LRP2: variants seen among roughly 807,000 people sequenced by gnomAD.
LRP2 encodes the protein low-density lipoprotein receptor-related protein 2.
LRP2 carries 172 observed loss-of-function variants against 531.0 expected under a neutral mutation model. The ratio of observed to expected loss-of-function variants is 0.32; its 90% CI spans 0.29 to 0.37. The LOEUF is 0.37. Ranked by LOEUF, LRP2 falls within the 10% of genes least tolerant of loss-of-function variation. LRP2 has a pLI of 1.00. For synonymous variants in LRP2, 1,992 were observed against 2,027.6 expected, an observed-to-expected ratio of 0.98 and a Z score of 0.47; for missense variants, 5,167 against 5,868.3, an observed-to-expected ratio of 0.88 and a Z score of 3.90.
At position 169,238,162 on chromosome 2, in the gene LRP2, G is replaced by A. The variant is rs760099721; in HGVS notation, c.4435C>T (p.Arg1479Cys). Residue 1479 changes from arginine (R) to cysteine (C), a missense_variant, in exon 27 of 79, where the codon CGT becomes TGT. By Grantham distance (180) the Arg-to-Cys change is radical (BLOSUM62 -3). This residue lies in a region of LRP2 where 2,811 missense variants were observed against 3,058.0 expected (regional missense o/e 0.92). Transcript: ENST00000649046. ...TGAGTTGCATCAGACCAAAAGATACGACCACTAATTGAATCAAAATCAACA... is the reference window on the plus strand; with the variant it reads ...TGAGTTGCATCAGACCAAAAGATACAACCACTAATTGAATCAAAATCAACA... ...VAVDFDSISG[R>C]IFWSDATQGK... The A allele has an allele frequency of 6.8e-6, 11 of 1,613,946 alleles. No homozygotes were observed. Among genetic ancestry groups the A allele is most frequent in the Middle Eastern group, 1.6e-4 (1 of 6,084 alleles).
chr2:169,263,492 A>G (rs1297080381), intron 16 of LRP2, among the ~76,000 whole-genome samples: 1 of 151,218 alleles, frequency 6.6e-6, no homozygotes, highest in Non-Finnish European at 1.5e-5. Flanking sequence ...AACACATGAA[A>G]AAATGCTCAC....
In LRP2 at chr2:169,139,314, A is replaced by G. The variant is rs1685634500; in HGVS notation, c.13325T>C (p.Ile4442Thr). ...LLIVVIGALA[I>T]AGFFHYRRTG... ...CCTTCTATAGTGGAAGAATCCTGCA[A>G]TTGCCAGAGCTCCAATTACGACGAT... Residue 4442 changes from isoleucine (I) to threonine (T), a missense_variant, in exon 74 of 79, where the codon ATT (isoleucine) becomes ACT (threonine). By Grantham distance (89) the Ile-to-Thr change is moderately conservative. Coordinates refer to ENST00000649046, the MANE Select transcript of LRP2 (RefSeq NM_004525.3). 6.2e-7 allele frequency: 1 copy of G among 1,614,174 alleles called. No homozygotes were observed. Among genetic ancestry groups the G allele is most frequent in the Non-Finnish European group, 8.5e-7 (1 of 1,180,016 alleles).
chr2:169,279,802 C>T (rs964859115), intron 11 of LRP2, among the ~76,000 whole-genome samples: 3 of 152,060 alleles, frequency 2.0e-5, no homozygotes, highest in Non-Finnish European at 2.9e-5. Context: ...AATTCCATAA[C>T]TCTTTAAGAG....
chr2:169,268,742 G>T (rs905759833), intron 16 of LRP2, among the ~76,000 whole-genome samples: 10 of 152,198 alleles, frequency 6.6e-5, no homozygotes, highest in Admixed American at 4.6e-4. Context: ...AGTGTTGGAA[G>T]TTCTGGCCAG....
chr2:169,281,246 A>T (rs1411822368), intron 10 of LRP2, among the ~76,000 whole-genome samples: 1 of 152,024 alleles, frequency 6.6e-6, no homozygotes, highest in Non-Finnish European at 1.5e-5. Flanking sequence ...ACATGGGGAA[A>T]CCCTGTTTCT....
At chr2:169,305,890 G>A (rs830972) in intron 4 of LRP2, among the ~76,000 whole-genome samples, 86,987 of 151,826 alleles carry the variant, frequency 0.57, 26,347 homozygotes, top group African/African-American at 0.77. Flanking sequence ...TTTAGCACGG[G>A]AACATGGTGT....
chr2:169,327,408 G>A (rs7567247), intron 1 of LRP2, among the ~76,000 whole-genome samples: 15 of 112,134 alleles, frequency 1.3e-4, no homozygotes, highest in South Asian at 6.2e-4. Context: ...CCCCTCTGCC[G>A]GGCCAGCCAC....
Position 169,146,869 on chromosome 2 carries a change from G to C in LRP2, c.12681C>G (p.Asp4227Glu). ...GEDRNILVFE[D>E]LGWPTGLSID... ...TAGAAAGGCCAGTTGGCCAACCAAG[G>C]TCCTCGAAAACCAGGATGTTGCGGT... Residue 4227 changes from aspartate (D) to glutamate (E), a missense_variant, in exon 69 of 79, where the codon GAC becomes GAG. By Grantham distance (45) the Asp-to-Glu change is conservative (BLOSUM62 2). This residue lies in a region of LRP2 where 564 missense variants were observed against 747.7 expected (regional missense o/e 0.75). Transcript: ENST00000649046. The C allele has an allele frequency of 6.8e-6, 11 of 1,614,102 alleles. No homozygotes were observed. The highest frequency in any genetic ancestry group is 9.3e-6 in the Non-Finnish European group (11 of 1,180,012).
In LRP2 at chr2:169,290,971, A is replaced by G; in HGVS notation, c.796T>C (p.Cys266Arg). Residue 266 changes from cysteine (C) to arginine (R), a missense_variant, in exon 8 of 79, where the codon TGT becomes CGT. Physicochemically the swap from Cys to Arg is radical, Grantham distance 180. Transcript: ENST00000649046. ...CESGPHDVHK[C>R]SPREWSCPES... The stretch of plus-strand genomic sequence containing the variant: ...GGGCAAGACCATTCTCTTGGGGAAC[A>G]TTTATGAACATCATGAGGACCGCTT... 6.2e-7 allele frequency: 1 copy of G among 1,614,154 alleles called. No individual in the cohort carries two copies. Among genetic ancestry groups the G allele is most frequent in the Non-Finnish European group, 8.5e-7 (1 of 1,180,024 alleles).
Position 169,259,204 on chromosome 2 carries a change from G to A in LRP2, c.2334C>T (p.Leu778=), listed in dbSNP as rs143050927. 88 of 1,612,492 alleles carry A rather than the reference G, an allele frequency of 5.5e-5. No individual in the cohort carries two copies. In the Admixed American group the frequency reaches 6.5e-4, roughly 12 times the overall value. The change falls in exon 17 of 79, where the codon CTC becomes CTT. Residue 778 remains leucine (L), a synonymous_variant. Transcript: ENST00000649046. Reference sequence around the variant, plus strand: ...CAACATTTTCCACCCTGTTAGCTGCGAGAATTTCTCTTCCTATAAGTTAAA... The same window carrying A: ...CAACATTTTCCACCCTGTTAGCTGCAAGAATTTCTCTTCCTATAAGTTAAA... The part of the protein sequence containing the change: ...QKIDGTGREI[L]AANRVENVES...
rs529963666 is a variant in LRP2, at chr2:169,207,228, G to A, written c.6492C>T (p.Ala2164=). 4 of 1,613,900 alleles carry A rather than the reference G, an allele frequency of 2.5e-6. No individual in the cohort carries two copies. The East Asian group carries it at 6.7e-5, about 27-fold the overall frequency. ...CTTCTATCAGTGTTTCAGAAACAAAGGCATTGGTGAAATAAAGATTTCCTA... is the reference window on the plus strand; with the variant it reads ...CTTCTATCAGTGTTTCAGAAACAAAAGCATTGGTGAAATAAAGATTTCCTA... The part of the protein sequence containing the change: ...WVAGNLYFTN[A]FVSETLIEVL... Residue 2164 remains alanine, a synonymous_variant, in exon 39 of 79, where the codon GCC becomes GCT. Coordinates refer to ENST00000649046, the MANE Select transcript of LRP2 (RefSeq NM_004525.3).
At chr2:169,139,639 G>C in intron 72 of LRP2, 29 bp from the exon 73 acceptor site, 1 of 1,600,284 alleles carries the variant, frequency 6.2e-7, no homozygotes, top group South Asian at 1.1e-5. Context: ...TCATTCACTA[G>C]CTGTTATGTT....
intron 15 of LRP2, among the ~76,000 whole-genome samples, chr2:169,271,960 A>C (rs1683429830): frequency 6.6e-6 from 1 of 152,134 alleles, no homozygotes; most frequent in Non-Finnish European, 1.5e-5. Flanking sequence ...TGCCCAAGAC[A>C]AAGATAAAAA....
Position 169,138,669 on chromosome 2 carries a change from C to A in LRP2, c.13426G>T (p.Gly4476Trp), listed in dbSNP as rs1241609872. The A allele has an allele frequency of 6.2e-7, 1 of 1,614,064 alleles. No individual in the cohort carries two copies. The highest frequency in any genetic ancestry group is 8.5e-7 in the Non-Finnish European group (1 of 1,179,958). ...TCTGCCCCTGATCTGAAGGTCACCCCATTCCCATTTTCAGAGGGCTTGACG... is the reference window on the plus strand; with the variant it reads ...TCTGCCCCTGATCTGAAGGTCACCCAATTCCCATTTTCAGAGGGCTTGACG... ...SLVKPSENGN[G>W]VTFRSGADLN... The change falls in exon 75 of 79, where the codon GGG (glycine) becomes TGG (tryptophan). Residue 4476 changes from glycine (G) to tryptophan (W), a missense_variant. By Grantham distance (184) the Gly-to-Trp change is radical (BLOSUM62 -2). Transcript: ENST00000649046.
chr2:169,198,936 A>G (rs370272424), intron 44 of LRP2, 25 bp from the exon 45 acceptor site: 1 of 1,609,140 alleles, frequency 6.2e-7, no homozygotes. Flanking sequence ...CCAGATAAAT[A>G]TTAGGAATAT....
At chr2:169,186,272 C>T (rs973328764) in intron 49 of LRP2, among the ~76,000 whole-genome samples, 16 of 152,162 alleles carry the variant, frequency 1.1e-4, no homozygotes, top group Admixed American at 5.2e-4. Flanking sequence ...AAGAAAAGAG[C>T]CTGGCCAGTG....
chr2:169,161,277 T>C (rs2268376), intron 63 of LRP2, among the ~76,000 whole-genome samples: 79,585 of 151,798 alleles, frequency 0.52, 21,604 homozygotes, highest in Admixed American at 0.63. Context: ...AGCAACTCAA[T>C]GGGGCTAACT....
At chr2:169,155,662 C>A (rs1456534632) in intron 65 of LRP2, among the ~76,000 whole-genome samples, 2 of 135,078 alleles carry the variant, frequency 1.5e-5, no homozygotes, top group African/African-American at 5.8e-5. Flanking sequence ...TATAATACAT[C>A]TGACTTACAT....
chr2:169,205,697 A>T, intron 40 of LRP2, 60 bp from the exon 41 acceptor site: 1 of 1,499,366 alleles, frequency 6.7e-7, no homozygotes, highest in East Asian at 2.3e-5. Context: ...CCTTTAAAAA[A>T]AAAAAAAAGG....
Sources: gnomAD v4.1 joint callset for allele counts (sites outside exome capture counted in the v4.1 genomes callset) on GRCh38, gnomAD v4.1.1 for gene constraint, gnomAD v4.1.1 regional missense constraint, MANE v1.5 for transcripts, NCBI Gene and HGNC (gene_info 2026-07-23, HGNC 2026-07-21) for gene names.